Variants in FRMD3 observed in about 807,000 individuals in gnomAD.
FRMD3 encodes FERM domain-containing protein 3.
Under a neutral mutation model 70.2 loss-of-function variants are expected in FRMD3, and 33 were observed. That is an observed-to-expected ratio of 0.47 (90% CI 0.36 to 0.63). The LOEUF (loss-of-function observed/expected upper bound fraction) is 0.63, where lower values mean the gene tolerates loss of function less well. Ranked by LOEUF, FRMD3 falls within the 20% of genes least tolerant of loss-of-function variation. The pLI, the probability that FRMD3 is intolerant of heterozygous loss-of-function variation, is 0.00. For synonymous variants in FRMD3, 279 were observed against 255.9 expected (o/e 1.09, Z -0.86); for missense variants, 632 against 711.4 (o/e 0.89, Z 1.27).
chr9:83,530,409 C>G (rs1211190435), intron 1 of FRMD3, among the ~76,000 whole-genome samples: 2 of 152,102 alleles, frequency 1.3e-5, no homozygotes, highest in Non-Finnish European at 2.9e-5. Flanking sequence ...TTTTATGATT[C>G]CATTTTTATC....
At chr9:83,421,884 T>C (rs535323207) in intron 1 of FRMD3, among the ~76,000 whole-genome samples, 1 of 152,218 alleles carries the variant, frequency 6.6e-6, no homozygotes, top group African/African-American at 2.4e-5. Flanking sequence ...AATTCACACA[T>C]GCTAATGGAC....
downstream of FRMD3, chr9:83,243,223 C>A: frequency 6.5e-7 from 1 of 1,550,148 alleles, no homozygotes; most frequent in South Asian, 1.2e-5. Flanking sequence ...AGACTGGAAG[C>A]CCAGATGCAG....
intron 13 of FRMD3, among the ~76,000 whole-genome samples, chr9:83,277,560 C>T (rs1833833524): frequency 1.3e-5 from 2 of 152,100 alleles, no homozygotes; most frequent in African/African-American, 4.8e-5. Flanking sequence ...AGAGTTTTGC[C>T]GTGTTGCCCA....
At chr9:83,335,390 T>G (rs1250929379) in intron 6 of FRMD3, 126 bp downstream of exon 6, 3 of 976,552 alleles carry the variant, frequency 3.1e-6, no homozygotes, top group Non-Finnish European at 4.5e-6. Flanking sequence ...AAAATTGCGC[T>G]GCCACGCAAA....
At chr9:83,457,985 G>A (rs1827868958) in intron 1 of FRMD3, among the ~76,000 whole-genome samples, 1 of 113,740 alleles carries the variant, frequency 8.8e-6, no homozygotes, top group Non-Finnish European at 1.8e-5. Flanking sequence ...AAAATAAAAT[G>A]AGCATATTAC....
chr9:83,378,915 A>G (rs1443166716), intron 2 of FRMD3, among the ~76,000 whole-genome samples: 1 of 146,678 alleles, frequency 6.8e-6, no homozygotes, highest in African/African-American at 2.5e-5. Context: ...TTTAGTACAG[A>G]TGGGGTTTCA....
At chr9:83,552,965 A>G in the FRMD3 span, among the ~76,000 whole-genome samples, 1 of 152,040 alleles carries the variant, frequency 6.6e-6, no homozygotes, top group Non-Finnish European at 1.5e-5. Context: ...TTTAAGAGAG[A>G]CAATTAACCC....
At chr9:83,407,878 T>TTCTCTCTCTC (rs147066768) in intron 1 of FRMD3, among the ~76,000 whole-genome samples, 980 of 88,934 alleles carry the variant, frequency 0.011, 16 homozygotes, top group African/African-American at 0.016. Flanking sequence ...TCTCTCATCT[T>TTCTCTCTCTC]TCTCTCTCTC....
rs368455520 is a variant in FRMD3, at chr9:83,268,097, T to G, written c.1196-19581A>C. ...GGCTGACTAAAGTTAGTGTTCTAAA[T>G]GCAGGTGCCATGCAACCACTACATT... On this transcript the variant is annotated intron_variant, in intron 13 of 13. Transcript: ENST00000304195. Among the ~76,000 whole-genome samples the G allele has an allele frequency of 3.3e-5, 5 of 152,250 alleles. No individual in the cohort carries two copies. In the South Asian group the frequency reaches 1.0e-3, roughly 31 times the overall value.
chr9:83,347,211 A>T (rs4877252), intron 4 of FRMD3, among the ~76,000 whole-genome samples: 47,499 of 152,194 alleles, frequency 0.31, 7,793 homozygotes, highest in Non-Finnish European at 0.35. Flanking sequence ...TGCCCATATC[A>T]GTGATCTCAG....
chr9:83,255,874 G>C (rs1832682510), intron 13 of FRMD3, among the ~76,000 whole-genome samples: 1 of 151,770 alleles, frequency 6.6e-6, no homozygotes, highest in Non-Finnish European at 1.5e-5. Flanking sequence ...AGAAATCAGA[G>C]ATGACACAAA....
the FRMD3 span, among the ~76,000 whole-genome samples, chr9:83,577,779 A>G: frequency 6.6e-6 from 1 of 152,006 alleles, no homozygotes; most frequent in Non-Finnish European, 1.5e-5. Context: ...TCAAGCAACT[A>G]GAAAAAGAAG....
chr9:83,388,942 C>CTTTTTTTTTTT (rs554000690), intron 2 of FRMD3, among the ~76,000 whole-genome samples: 1 of 117,186 alleles, frequency 8.5e-6, no homozygotes, highest in African/African-American at 3.7e-5. Context: ...CTACCAATAG[C>CTTTTTTTTTTT]TTTTTTTTTT....
At chr9:83,279,658 G>A (rs1048460487) in intron 13 of FRMD3, among the ~76,000 whole-genome samples, 1 of 152,138 alleles carries the variant, frequency 6.6e-6, no homozygotes, top group South Asian at 2.1e-4. Context: ...GGGACATGGA[G>A]GGAGCTGGAA....
chr9:83,415,442 C>CT (rs541899087), intron 1 of FRMD3, among the ~76,000 whole-genome samples: 20,549 of 124,608 alleles, frequency 0.16, 2,083 homozygotes, highest in East Asian at 0.27. Flanking sequence ...AAAGGAAATT[C>CT]TTTTTTTTTT....
chr9:83,331,501 T>C (rs1329721545), intron 6 of FRMD3, among the ~76,000 whole-genome samples: 4 of 152,186 alleles, frequency 2.6e-5, no homozygotes, highest in Non-Finnish European at 5.9e-5. Flanking sequence ...ACTATAATGG[T>C]ATTGGTATTG....
the FRMD3 span, among the ~76,000 whole-genome samples, chr9:83,549,506 C>G: frequency 6.6e-6 from 1 of 151,756 alleles, no homozygotes; most frequent in Non-Finnish European, 1.5e-5. Context: ...TAGCTTTTAG[C>G]TCTTTGAGGG....
chr9:83,543,273 G>T (rs114567353), upstream of FRMD3, among the ~76,000 whole-genome samples: 1,925 of 151,906 alleles, frequency 0.013, 44 homozygotes, highest in African/African-American at 0.043. Flanking sequence ...GAGGAGGCAA[G>T]AATTTGGCAG....
intron 10 of FRMD3, among the ~76,000 whole-genome samples, chr9:83,304,206 C>T (rs1415906799): frequency 1.3e-5 from 2 of 152,122 alleles, no homozygotes; most frequent in Non-Finnish European, 2.9e-5. Flanking sequence ...CGCTTGTGCA[C>T]AAGTTTTAAT....
Sources: gnomAD v4.1 joint callset for allele counts (sites outside exome capture counted in the v4.1 genomes callset) on GRCh38, gnomAD v4.1.1 for gene constraint, MANE v1.5 for transcripts, NCBI Gene and HGNC (gene_info 2026-07-23, HGNC 2026-07-21) for gene names.